Variants in KIF16B observed in about 807,000 individuals in gnomAD.
The protein encoded by KIF16B is kinesin family member 16B, also known as kinesin-like protein KIF16B.
KIF16B carries 98 observed loss-of-function variants against 156.3 expected under a neutral mutation model. That is an observed-to-expected ratio of 0.63 (90% CI 0.53 to 0.74). KIF16B has a LOEUF of 0.74. Among genes scored for constraint, KIF16B ranks in the 30% least tolerant of loss-of-function variants. The pLI is 0.00. For synonymous variants in KIF16B, 564 were observed against 583.7 expected, an observed-to-expected ratio of 0.97 and a Z score of 0.49; for missense variants, 1,421 against 1,606.5, an observed-to-expected ratio of 0.88 and a Z score of 1.97.
At chr20:16,551,095 A>T (rs377097282) in intron 1 of KIF16B, among the ~76,000 whole-genome samples, 2 of 148,956 alleles carry the variant, frequency 1.3e-5, no homozygotes, top group East Asian at 3.9e-4. Flanking sequence ...CTTATTTAGG[A>T]TTTAGTGAAG....
At chr20:16,344,095 C>A (rs2064187853) in intron 23 of KIF16B, among the ~76,000 whole-genome samples, 1 of 152,154 alleles carries the variant, frequency 6.6e-6, no homozygotes, top group South Asian at 2.1e-4. Context: ...GGGTCTAATT[C>A]ATTAACTAAT....
Position 16,291,305 on chromosome 20 carries a change from A to G in KIF16B, c.3796-17894T>C, listed in dbSNP as rs141429996. 3.3e-4 allele frequency among the ~76,000 whole-genome samples: 51 copies of G among 152,328 alleles called. No individual in the cohort carries two copies. In the East Asian group the frequency reaches 9.4e-3, roughly 28 times the overall value. ...CAAAGCCACACTCTAGAAACTCTTA[A>G]AAGTATCCTGGTCATCTCGTTACTT... On this transcript the variant is annotated intron_variant, in intron 25 of 25. Transcript: ENST00000354981.
intron 12 of KIF16B, among the ~76,000 whole-genome samples, chr20:16,441,897 T>C (rs1199628404): frequency 6.6e-6 from 1 of 152,228 alleles, no homozygotes; most frequent in Non-Finnish European, 1.5e-5. Context: ...ATTTTATCTA[T>C]ATCTGTCTCT....
Position 16,416,507 on chromosome 20 carries a change from T to G in KIF16B, c.1613-10051A>C, listed in dbSNP as rs1211280728. On this transcript the variant is annotated intron_variant, in intron 15 of 25. Transcript: ENST00000354981. The stretch of plus-strand genomic sequence containing the variant: ...ACCAAACACCACATGTTCTCACTTG[T>G]AAGTGGGAGCTGAACAATGAGAACA... Among the ~76,000 whole-genome samples, 3 of 152,126 alleles carry G rather than the reference T, an allele frequency of 2.0e-5. No homozygotes were observed. The East Asian group carries it at 5.8e-4, about 29-fold the overall frequency.
chr20:16,422,468 T>A (rs1291725324), intron 15 of KIF16B, among the ~76,000 whole-genome samples: 1 of 152,058 alleles, frequency 6.6e-6, no homozygotes, highest in Non-Finnish European at 1.5e-5. Context: ...TGGCCAGGGC[T>A]ATGGGTGGTG....
chr20:16,547,127 T>C (rs1373756832), intron 1 of KIF16B, among the ~76,000 whole-genome samples: 1 of 152,194 alleles, frequency 6.6e-6, no homozygotes, highest in Non-Finnish European at 1.5e-5. Context: ...TCTGACGACA[T>C]ACAGACTGTC....
chr20:16,283,780 C>T (rs186741882), intron 25 of KIF16B, among the ~76,000 whole-genome samples: 68 of 152,164 alleles, frequency 4.5e-4, no homozygotes, highest in African/African-American at 7.9e-4. Context: ...TGGGTTGAAA[C>T]GAAGGTGTTA....
At chr20:16,536,924 A>C (rs1390242979) in intron 1 of KIF16B, among the ~76,000 whole-genome samples, 1 of 151,810 alleles carries the variant, frequency 6.6e-6, no homozygotes, top group Non-Finnish European at 1.5e-5. Context: ...ACACTCCATC[A>C]AACAACCTTA....
chr20:16,294,041 A>T (rs1238501208), intron 25 of KIF16B, among the ~76,000 whole-genome samples: 1 of 152,170 alleles, frequency 6.6e-6, no homozygotes, highest in Non-Finnish European at 1.5e-5. Context: ...AGCAAATACA[A>T]AAATGGAAGA....
intron 25 of KIF16B, among the ~76,000 whole-genome samples, chr20:16,274,101 C>T (rs1340818082): frequency 6.6e-6 from 1 of 150,688 alleles, no homozygotes; most frequent in African/African-American, 2.5e-5. Context: ...AAAAAAAAGG[C>T]CGGCCATCTG....
intron 24 of KIF16B, among the ~76,000 whole-genome samples, chr20:16,325,246 C>T (rs2063826892): frequency 6.6e-6 from 1 of 151,804 alleles, no homozygotes; most frequent in South Asian, 2.1e-4. Flanking sequence ...TGGAGCAAGA[C>T]AAGGGGGATG....
chr20:16,418,324 A>G (rs1454697280), intron 15 of KIF16B, among the ~76,000 whole-genome samples: 1 of 152,132 alleles, frequency 6.6e-6, no homozygotes, highest in Non-Finnish European at 1.5e-5. Context: ...AAGCCATCAA[A>G]CTGACTGAAC....
At chr20:16,412,246 G>A (rs998733629) in intron 15 of KIF16B, among the ~76,000 whole-genome samples, 2 of 151,954 alleles carry the variant, frequency 1.3e-5, no homozygotes, top group African/African-American at 4.8e-5. Context: ...CATTGGGTGT[G>A]GTGGCATAGA....
chr20:16,287,851 T>C (rs141154307), intron 25 of KIF16B, among the ~76,000 whole-genome samples: 9 of 152,272 alleles, frequency 5.9e-5, no homozygotes, highest in East Asian at 3.9e-4. Context: ...AAGAGAAGAA[T>C]TGAGTTTATC....
Position 16,379,333 on chromosome 20 carries a change from T to C in KIF16B, c.2669A>G (p.Gln890Arg). Reference sequence around the variant, plus strand: ...CACTGGCTTTATTTTCTCGAAATCTTGAGGCACTTCCGTGACATCTGTGAC... The same window carrying C: ...CACTGGCTTTATTTTCTCGAAATCTCGAGGCACTTCCGTGACATCTGTGAC... ...ESVTDVTEVP[Q>R]DFEKIKPVEY... The change falls in exon 19 of 26, where the codon CAA becomes CGA. Residue 890 changes from glutamine to arginine, a missense_variant. Gln to Arg is a conservative substitution (Grantham distance 43, BLOSUM62 1). Coordinates refer to ENST00000354981, the MANE Select transcript of KIF16B (RefSeq NM_024704.5). The C allele has an allele frequency of 1.2e-6, 2 of 1,606,714 alleles. No homozygotes were observed. The highest frequency in any genetic ancestry group is 1.3e-5 in the African/African-American group (1 of 74,522).
At chr20:16,389,062 C>T (rs769171062) in intron 17 of KIF16B, among the ~76,000 whole-genome samples, 11 of 152,098 alleles carry the variant, frequency 7.2e-5, no homozygotes, top group Non-Finnish European at 1.3e-4. Context: ...ATGGGACAGT[C>T]ATATTGGTAA....
chr20:16,315,584 T>G (rs2063685712), intron 24 of KIF16B, among the ~76,000 whole-genome samples: 1 of 152,128 alleles, frequency 6.6e-6, no homozygotes, highest in African/African-American at 2.4e-5. Flanking sequence ...AAGGCAGTCA[T>G]CAACAGTTCC....
chr20:16,328,847 C>A (rs2063900747), intron 24 of KIF16B, among the ~76,000 whole-genome samples: 1 of 152,086 alleles, frequency 6.6e-6, no homozygotes, highest in South Asian at 2.1e-4. Flanking sequence ...AGGTACTAAT[C>A]CCATTTATGA....
chr20:16,284,204 C>A (rs548137657), intron 25 of KIF16B, among the ~76,000 whole-genome samples: 4 of 152,200 alleles, frequency 2.6e-5, no homozygotes, highest in Admixed American at 2.6e-4. Context: ...GGAACACCTG[C>A]CTGGCACACT....
Sources: allele counts gnomAD v4.1 joint callset (sites outside exome capture counted in the v4.1 genomes callset), GRCh38; gene constraint gnomAD v4.1.1; transcripts MANE v1.5; gene names NCBI Gene and HGNC (gene_info 2026-07-23, HGNC 2026-07-21).